TMEM117: variants seen among roughly 807,000 people sequenced by gnomAD.
TMEM117 encodes transmembrane protein 117.
Under a neutral mutation model 52.4 loss-of-function variants are expected in TMEM117, and 27 were observed. The observed-to-expected ratio is 0.51, with a 90% CI of 0.38 to 0.71. The LOEUF is 0.71. Among genes scored for constraint, TMEM117 ranks in the 30% least tolerant of loss-of-function variants. The pLI is 0.00. For synonymous variants in TMEM117, 215 were observed against 206.3 expected, an observed-to-expected ratio of 1.04 and a Z score of -0.36; for missense variants, 556 against 630.5, an observed-to-expected ratio of 0.88 and a Z score of 1.26.
chr12:44,335,737 G>A (rs1351942058), intron 6 of TMEM117, among the ~76,000 whole-genome samples: 1 of 151,960 alleles, frequency 6.6e-6, no homozygotes, highest in Non-Finnish European at 1.5e-5. Context: ...ATACCTGTTT[G>A]TAAATCTGCA....
At chr12:44,214,620 A>C (rs1012278046) in intron 5 of TMEM117, among the ~76,000 whole-genome samples, 3 of 151,998 alleles carry the variant, frequency 2.0e-5, no homozygotes, top group Admixed American at 2.0e-4. Flanking sequence ...ACTTTTTTGT[A>C]GTTATTCTTT....
intron 5 of TMEM117, among the ~76,000 whole-genome samples, chr12:44,240,144 C>T (rs1175138286): frequency 1.3e-5 from 2 of 152,092 alleles, no homozygotes; most frequent in African/African-American, 2.4e-5. Flanking sequence ...TTAAAAAGTT[C>T]AGAATTGAGC....
intron 3 of TMEM117, among the ~76,000 whole-genome samples, chr12:43,969,247 G>T (rs900536179): frequency 6.6e-6 from 1 of 151,252 alleles, no homozygotes; most frequent in Admixed American, 6.6e-5. Flanking sequence ...TTGGCCGGGC[G>T]CGGTGGCTCA....
At chr12:44,351,052 A>G (rs1951555504) in intron 6 of TMEM117, among the ~76,000 whole-genome samples, 1 of 151,970 alleles carries the variant, frequency 6.6e-6, no homozygotes, top group Admixed American at 6.6e-5. Flanking sequence ...TTGAATAAAA[A>G]CCATTTTTAA....
chr12:44,347,034 G>C (rs1951497583), intron 6 of TMEM117, among the ~76,000 whole-genome samples: 1 of 151,750 alleles, frequency 6.6e-6, no homozygotes, highest in African/African-American at 2.4e-5. Flanking sequence ...TAATTCATTT[G>C]TAAATCTTCT....
At chr12:44,016,696 G>T (rs1946378710) in intron 3 of TMEM117, among the ~76,000 whole-genome samples, 1 of 151,914 alleles carries the variant, frequency 6.6e-6, no homozygotes, top group African/African-American at 2.4e-5. Flanking sequence ...CATCTTTTAC[G>T]AGCTAATGGG....
At chr12:44,089,370 A>C (rs1485942205) in intron 3 of TMEM117, among the ~76,000 whole-genome samples, 1 of 152,154 alleles carries the variant, frequency 6.6e-6, no homozygotes, top group Non-Finnish European at 1.5e-5. Flanking sequence ...AAAATAAATA[A>C]AGCCACCACC....
rs138800422 is a variant in TMEM117, at chr12:43,986,037, A to G, written c.410+41695A>G. ...CACACATTTTATTGGGAAAGAATCA[A>G]AGTCTGAATGAATGATATTTATTCT... On this transcript the variant is annotated intron_variant, in intron 3 of 7. Transcript: ENST00000266534. 3.8e-3 allele frequency among the ~76,000 whole-genome samples: 575 copies of G among 152,308 alleles called. 2 individuals carry two copies. The highest frequency in any genetic ancestry group is 0.013 in the African/African-American group (547 of 41,576).
chr12:44,009,907 G>T, intron 3 of TMEM117: 1 of 273,214 alleles, frequency 3.7e-6, no homozygotes. Context: ...TGGATCTCTG[G>T]CCTCAATCAC....
intron 2 of TMEM117, among the ~76,000 whole-genome samples, chr12:43,882,124 G>A (rs1424025162): frequency 6.6e-6 from 1 of 151,940 alleles, no homozygotes; most frequent in Non-Finnish European, 1.5e-5. Context: ...CTTTAAAAAT[G>A]TACTTACTAA....
rs147905460 is a variant in TMEM117 at position 43,855,837 on chromosome 12, C to T, written c.277+10909C>T. ...TGAATTTTTTTGGTATGTTGAACTG[C>T]ACATATGATTTTATCATTTCAAAAT... On this transcript the variant is annotated intron_variant, in intron 2 of 7. Coordinates refer to ENST00000266534, the MANE Select transcript of TMEM117 (RefSeq NM_032256.3). Among the ~76,000 whole-genome samples the T allele has an allele frequency of 2.0e-3, 311 of 152,208 alleles. 1 individual carries two copies. The highest frequency in any genetic ancestry group is 6.8e-3 in the African/African-American group (283 of 41,542).
At chr12:44,163,494 C>T (rs1184545704) in intron 4 of TMEM117, among the ~76,000 whole-genome samples, 1 of 152,126 alleles carries the variant, frequency 6.6e-6, no homozygotes, top group Non-Finnish European at 1.5e-5. Context: ...GACAGACTTA[C>T]CTAATGTTAA....
intron 5 of TMEM117, among the ~76,000 whole-genome samples, chr12:44,211,751 T>A (rs752612304): frequency 6.6e-6 from 1 of 152,202 alleles, no homozygotes; most frequent in Non-Finnish European, 1.5e-5. Context: ...GATTTTGCTC[T>A]GAGAAGTGAT....
At chr12:43,837,640 G>C (rs940323762) in intron 1 of TMEM117, among the ~76,000 whole-genome samples, 1 of 152,142 alleles carries the variant, frequency 6.6e-6, no homozygotes, top group Non-Finnish European at 1.5e-5. Context: ...CCACTGCTCC[G>C]GGCTGGCAAT....
intron 3 of TMEM117, among the ~76,000 whole-genome samples, chr12:43,979,254 C>T (rs1272108242): frequency 2.0e-5 from 3 of 151,928 alleles, no homozygotes; most frequent in African/African-American, 7.3e-5. Context: ...ATTTTACTTT[C>T]TCAGGTACTA....
intron 6 of TMEM117, among the ~76,000 whole-genome samples, chr12:44,354,169 C>T (rs1460389598): frequency 1.3e-5 from 2 of 152,112 alleles, no homozygotes; most frequent in Non-Finnish European, 2.9e-5. Context: ...GCTGAAGTTG[C>T]TTATCAGCTG....
chr12:44,066,184 C>G (rs1036532644), intron 3 of TMEM117, among the ~76,000 whole-genome samples: 2 of 152,176 alleles, frequency 1.3e-5, no homozygotes, highest in Non-Finnish European at 2.9e-5. Flanking sequence ...CACATCCAGT[C>G]AGTTACAGTT....
chr12:43,932,480 T>G (rs2137583583), intron 2 of TMEM117, among the ~76,000 whole-genome samples: 1 of 152,206 alleles, frequency 6.6e-6, no homozygotes, highest in Admixed American at 6.5e-5. Context: ...ATTGGAGAAT[T>G]GTCTGAAAGA....
At chr12:43,893,242 T>C (rs2137483376) in intron 2 of TMEM117, among the ~76,000 whole-genome samples, 1 of 152,338 alleles carries the variant, frequency 6.6e-6, no homozygotes, top group African/African-American at 2.4e-5. Flanking sequence ...TATTAGTTGC[T>C]GTGTCAAAAA....
Sources: gnomAD v4.1 joint callset for allele counts (sites outside exome capture counted in the v4.1 genomes callset) on GRCh38, gnomAD v4.1.1 for gene constraint, MANE v1.5 for transcripts, NCBI Gene and HGNC (gene_info 2026-07-23, HGNC 2026-07-21) for gene names.